Variants in ORC2 observed in about 807,000 individuals in gnomAD.
ORC2 encodes the protein origin recognition complex subunit 2.
Under a neutral mutation model 77.7 loss-of-function variants are expected in ORC2, and 37 were observed. That is an observed-to-expected ratio of 0.48 (90% confidence interval 0.37 to 0.63). The LOEUF is 0.63. ORC2 is among the 20% of genes least tolerant of loss of function. The pLI is 0.00. For synonymous variants in ORC2, 201 were observed against 229.5 expected (o/e 0.88, Z 1.12); for missense variants, 557 against 661.9 (o/e 0.84, Z 1.74).
At chr2:200,923,102 A>G (rs1308602733) in intron 13 of ORC2, among the ~76,000 whole-genome samples, 3 of 152,240 alleles carry the variant, frequency 2.0e-5, no homozygotes, top group African/African-American at 7.2e-5. Context: ...GGAAATATAT[A>G]CTTGACTCTC....
Position 200,931,466 on chromosome 2 carries a change from AG to A in ORC2, c.808-19del. 2.2e-6 allele frequency: 3 copies of A among 1,345,454 alleles called. No individual in the cohort carries two copies. Among genetic ancestry groups the A allele is most frequent in the Non-Finnish European group, 3.1e-6 (3 of 962,124 alleles). 83.3% of individuals were successfully genotyped at this position (1,345,454 alleles called of 1,614,324 possible). ...AAAGTTTGCTTTAAAAAAAAGGAGGAGGGGAAAAAAGTCATTCTCAAAGCAC... is the reference window on the plus strand; with the variant it reads ...AAAGTTTGCTTTAAAAAAAAGGAGGAGGGAAAAAAGTCATTCTCAAAGCAC... On this transcript the variant is annotated intron_variant, in intron 10 of 17. Transcript: ENST00000234296.
chr2:200,943,591 T>C (rs1383801960), intron 5 of ORC2, among the ~76,000 whole-genome samples: 1 of 152,210 alleles, frequency 6.6e-6, no homozygotes, highest in Non-Finnish European at 1.5e-5. Flanking sequence ...CCAAATTAAC[T>C]GCTTTTTTGC....
chr2:200,943,995 T>G (rs2041203239), intron 5 of ORC2, among the ~76,000 whole-genome samples: 1 of 152,032 alleles, frequency 6.6e-6, no homozygotes, highest in Non-Finnish European at 1.5e-5. Flanking sequence ...TAAAGGCTGA[T>G]TCACAGGATA....
chr2:200,949,098 G>A (rs1480661225), intron 5 of ORC2, among the ~76,000 whole-genome samples: 2 of 151,786 alleles, frequency 1.3e-5, no homozygotes, highest in African/African-American at 4.8e-5. Flanking sequence ...AAAATTAGCC[G>A]GGTGTGGTGG....
In ORC2 at chr2:200,957,517, T is replaced by C. The variant is rs2041490600; in HGVS notation, c.122A>G (p.Gln41Arg). The change falls in exon 4 of 18, where the codon CAG (glutamine) becomes CGG (arginine). Residue 41 changes from glutamine to arginine, a missense_variant. Transcript: ENST00000234296. ...GGAKLKKERA[Q>R]LLVNPKKIIK... ...TATTTTTTTGGGGTTGACCAAAAGC[T>C]GCGCTCGCTCCTTCTTCAATTTAGC... 6.2e-7 allele frequency: 1 copy of C among 1,608,666 alleles called. No homozygotes were observed. Among genetic ancestry groups the C allele is most frequent in the Admixed American group, 1.7e-5 (1 of 59,332 alleles).
At chr2:200,963,338 T>G in intron 1 of ORC2, 152 bp downstream of exon 1, 3 of 397,590 alleles carry the variant, frequency 7.5e-6, no homozygotes, top group African/African-American at 2.1e-5. Flanking sequence ...GCAAAGACCA[T>G]GCCCCAAGTG....
At chr2:200,914,674 G>T (rs1327680511) in intron 15 of ORC2, among the ~76,000 whole-genome samples, 2 of 152,136 alleles carry the variant, frequency 1.3e-5, no homozygotes, top group African/African-American at 4.8e-5. Flanking sequence ...AGCTACTCGG[G>T]AGGCTGAGGT....
At chr2:200,917,714 G>T (rs2040680946) in intron 15 of ORC2, among the ~76,000 whole-genome samples, 1 of 152,136 alleles carries the variant, frequency 6.6e-6, no homozygotes, top group South Asian at 2.1e-4. Flanking sequence ...ATACTGTACT[G>T]TGTTTATATG....
rs1358619966 is a variant in ORC2, at chr2:200,909,953, A to G, written c.*1348T>C. On this transcript the variant is annotated 3_prime_UTR_variant, in exon 18 of 18. Transcript: ENST00000234296. ...ATTTTTTAAATTTTTTGTAGAGACA[A>G]GGTCTCACTATGTTGCCCAGGCTGT... 1 of 152,024 alleles carries G rather than the reference A, an allele frequency of 6.6e-6. No individual in the cohort carries two copies. Among genetic ancestry groups the G allele is most frequent in the South Asian group, 2.1e-4 (1 of 4,828 alleles). The allele number at this position is 152,024 out of a possible 1,614,324, so 9.4% of individuals were successfully genotyped here.
At chr2:200,952,713 CAGAT>C (rs757630762) in intron 4 of ORC2, among the ~76,000 whole-genome samples, 27 of 151,782 alleles carry the variant, frequency 1.8e-4, no homozygotes, top group African/African-American at 4.8e-4. Context: ...CTACTACACT[CAGAT>C]AGCATCAAAA....
intron 10 of ORC2, among the ~76,000 whole-genome samples, chr2:200,932,953 G>A (rs10183261): frequency 0.23 from 34,302 of 152,040 alleles, 4,623 homozygotes; most frequent in African/African-American, 0.37. Context: ...CTATGTTTAC[G>A]CCCAATGAAA....
intron 15 of ORC2, among the ~76,000 whole-genome samples, chr2:200,919,789 G>A (rs1034725305): frequency 2.4e-4 from 37 of 152,342 alleles, no homozygotes; most frequent in African/African-American, 8.4e-4. Flanking sequence ...AAGAGCATGA[G>A]TTTTGGAGCT....
chr2:200,911,310 C>T lies in ORC2; in HGVS notation c.1725G>A (p.Glu575=). The T allele has an allele frequency of 6.2e-7, 1 of 1,601,390 alleles. No homozygotes were observed. The highest frequency in any genetic ancestry group is 8.6e-7 in the Non-Finnish European group (1 of 1,168,490). ...TLTDFLEKEE[E]EA Reference sequence around the variant, plus strand: ...AGAATAAAGGAAAGCTTCAAGCCTCCTCTTCTTCCTTTTCCAAGAAATCAG... The same window carrying T: ...AGAATAAAGGAAAGCTTCAAGCCTCTTCTTCTTCCTTTTCCAAGAAATCAG... Residue 575 remains glutamate (E), a synonymous_variant, in exon 18 of 18, where the codon GAG becomes GAA. Coordinates refer to ENST00000234296, the MANE Select transcript of ORC2 (RefSeq NM_006190.5).
chr2:200,950,977 C>T (rs932211250), intron 4 of ORC2, among the ~76,000 whole-genome samples: 8 of 152,144 alleles, frequency 5.3e-5, no homozygotes, highest in South Asian at 2.1e-4. Flanking sequence ...ATCTTCTTTA[C>T]GCTGTGGCTT....
chr2:200,920,231 G>C lies in ORC2; in HGVS notation c.1457C>G (p.Pro486Arg), dbSNP rs1432130227. 2 of 1,608,800 alleles carry C rather than the reference G, an allele frequency of 1.2e-6. No homozygotes were observed. Among genetic ancestry groups the C allele is most frequent in the Admixed American group, 3.4e-5 (2 of 58,570 alleles). Residue 486 changes from proline (P) to arginine (R), a missense_variant, in exon 15 of 18, where the codon CCT becomes CGT. Coordinates refer to ENST00000234296, the MANE Select transcript of ORC2 (RefSeq NM_006190.5). ...TGGTTTTCATCCTTACCTTGCATTA[G>C]GGGTAAGGCTTCGTAAGACATGAGT... ...SLTHVLRSLT[P>R]NARGIFRLLI...
intron 5 of ORC2, among the ~76,000 whole-genome samples, chr2:200,943,777 C>T (rs867943617): frequency 2.0e-5 from 3 of 151,722 alleles, no homozygotes; most frequent in East Asian, 1.9e-4. Flanking sequence ...TTAATCCCTT[C>T]GGTCTTCTAT....
At chr2:200,939,877 GT>G (rs1361341236) in intron 7 of ORC2, among the ~76,000 whole-genome samples, 2 of 152,106 alleles carry the variant, frequency 1.3e-5, no homozygotes, top group Non-Finnish European at 2.9e-5. Flanking sequence ...ATGGCAATGA[GT>G]TTTTTTCCTT....
chr2:200,926,991 A>T (rs1282500820), intron 11 of ORC2, 91 bp from the exon 12 acceptor site: 4 of 1,365,324 alleles, frequency 2.9e-6, no homozygotes, highest in East Asian at 2.3e-5. Context: ...TTCAGTTTAT[A>T]AAAAATACAG....
At chr2:200,962,844 T>C (rs920302267) in intron 1 of ORC2, among the ~76,000 whole-genome samples, 4 of 152,222 alleles carry the variant, frequency 2.6e-5, no homozygotes, top group African/African-American at 9.6e-5. Context: ...AGGATTTCAA[T>C]TGTAAAATGA....
Sources: allele counts gnomAD v4.1 joint callset (sites outside exome capture counted in the v4.1 genomes callset), GRCh38; gene constraint gnomAD v4.1.1; transcripts MANE v1.5; gene names NCBI Gene and HGNC (gene_info 2026-07-23, HGNC 2026-07-21).